Variants in KIF2A observed in about 807,000 individuals in gnomAD.
KIF2A encodes the protein kinesin-like protein KIF2A.
Under a neutral mutation model 100.2 loss-of-function variants are expected in KIF2A, and 22 were observed. The observed-to-expected ratio is 0.22, with a 90% CI of 0.16 to 0.31. The LOEUF is 0.31. KIF2A is among the 10% of genes least tolerant of loss of function. KIF2A has a pLI of 1.00. For missense variants in KIF2A, 495 were observed against 898.7 expected (o/e 0.55, Z 5.74); for synonymous variants, 268 against 285.9 (o/e 0.94, Z 0.63).
chr5:62,356,572 A>C (rs990228422), intron 7 of KIF2A, among the ~76,000 whole-genome samples: 10 of 152,222 alleles, frequency 6.6e-5, no homozygotes, highest in African/African-American at 1.9e-4. Context: ...ATTGGGAACA[A>C]AATTTTTATA....
At chr5:62,359,304 G>C (rs186035953) in intron 9 of KIF2A, among the ~76,000 whole-genome samples, 113 of 151,990 alleles carry the variant, frequency 7.4e-4, no homozygotes, top group African/African-American at 2.7e-3. Context: ...CTTTGTAATT[G>C]CTTGAATACT....
At chr5:62,350,719 CT>C (rs1225119482) in intron 4 of KIF2A, among the ~76,000 whole-genome samples, 4 of 151,812 alleles carry the variant, frequency 2.6e-5, no homozygotes, top group East Asian at 2.0e-4. Flanking sequence ...CAAGACCCCC[CT>C]GGTCAACATG....
intron 1 of KIF2A, among the ~76,000 whole-genome samples, chr5:62,342,937 A>G (rs1381930916): frequency 6.6e-6 from 1 of 151,746 alleles, no homozygotes; most frequent in Non-Finnish European, 1.5e-5. Context: ...TTTTTAGTAG[A>G]GACTGTGTTT....
At chr5:62,366,286 A>G in intron 15 of KIF2A, 128 bp from the exon 16 acceptor site, 2 of 656,686 alleles carry the variant, frequency 3.0e-6, no homozygotes, top group South Asian at 1.7e-5. Flanking sequence ...TGGAGTTGAG[A>G]TATCATTAAT....
Position 62,357,710 on chromosome 5 carries a change from G to T in KIF2A, c.674G>T (p.Cys225Phe). 6.5e-7 allele frequency: 1 copy of T among 1,533,172 alleles called. No homozygotes were observed. Among genetic ancestry groups the T allele is most frequent in the Non-Finnish European group, 9.0e-7 (1 of 1,112,240 alleles). The allele number at this position is 1,533,172 out of a possible 1,614,324, so 95.0% of individuals were successfully genotyped here. The change falls in exon 8 of 21, where the codon TGT becomes TTT. Residue 225 changes from cysteine (C) to phenylalanine (F), a missense_variant. Coordinates refer to ENST00000407818, the MANE Select transcript of KIF2A (RefSeq NM_001098511.3). ...TADPIDEHRI[C>F]VCVRKRPLNK... ...TTCTAGATTGATGAACATAGGATAT[G>T]TGTGTGTGTAAGAAAACGACCACTC...
At chr5:62,335,452 C>T (rs955679565) in intron 1 of KIF2A, among the ~76,000 whole-genome samples, 10 of 152,136 alleles carry the variant, frequency 6.6e-5, no homozygotes, top group East Asian at 1.9e-4. Context: ...GTAGCATGAA[C>T]GAAGGAGCCC....
chr5:62,384,395 C>T (rs1741922448), intron 20 of KIF2A, among the ~76,000 whole-genome samples: 1 of 152,238 alleles, frequency 6.6e-6, no homozygotes, highest in African/African-American at 2.4e-5. Flanking sequence ...ATTCTGAAGT[C>T]TACAGAGTAG....
At chr5:62,365,157 T>C in intron 14 of KIF2A, 86 bp from the exon 15 acceptor site, 1 of 610,728 alleles carries the variant, frequency 1.6e-6, no homozygotes, top group Non-Finnish European at 2.8e-6. Context: ...GTTCAAGTTG[T>C]AGTAAGAGAC....
chr5:62,306,642 G>C (rs1018835430), intron 1 of KIF2A, 106 bp downstream of exon 1: 1 of 918,874 alleles, frequency 1.1e-6, no homozygotes, highest in African/African-American at 1.8e-5. Context: ...CCGGGCTGTG[G>C]GGGTGGGAAG....
intron 1 of KIF2A, among the ~76,000 whole-genome samples, chr5:62,339,937 C>CT (rs36051288): frequency 0.26 from 34,283 of 130,540 alleles, 4,637 homozygotes; most frequent in African/African-American, 0.32. Context: ...ACTTTTAGTA[C>CT]TTTTTTTTTT....
intron 1 of KIF2A, among the ~76,000 whole-genome samples, chr5:62,324,840 AAAAG>A (rs1414244359): frequency 1.9e-5 from 2 of 108,082 alleles, no homozygotes; most frequent in Non-Finnish European, 4.6e-5. Context: ...AATTACAACA[AAAAG>A]AAAAAAAATG....
rs80173112 is a variant in KIF2A, at chr5:62,328,903, A to G, written c.65-18227A>G. On this transcript the variant is annotated intron_variant, in intron 1 of 20. Transcript: ENST00000407818. ...AAAAGCTGCACAACGGGCCCTTCTAAATAATAATGCTACCTTAATTGTTAG... is the reference window on the plus strand; with the variant it reads ...AAAAGCTGCACAACGGGCCCTTCTAGATAATAATGCTACCTTAATTGTTAG... 4.8e-3 allele frequency among the ~76,000 whole-genome samples: 737 copies of G among 152,284 alleles called. 8 individuals are homozygous for G. The highest frequency in any genetic ancestry group is 0.017 in the African/African-American group (691 of 41,560).
chr5:62,323,292 T>C (rs991718977), intron 1 of KIF2A, among the ~76,000 whole-genome samples: 1 of 145,004 alleles, frequency 6.9e-6, no homozygotes, highest in African/African-American at 2.6e-5. Context: ...GAAAAATAAA[T>C]GTATTAGAAA....
At chr5:62,369,757 G>A (rs1032912044) in intron 16 of KIF2A, among the ~76,000 whole-genome samples, 2 of 151,848 alleles carry the variant, frequency 1.3e-5, no homozygotes, top group South Asian at 2.1e-4. Flanking sequence ...ATACTTTGAG[G>A]TGGTGGGTAG....
intron 3 of KIF2A, among the ~76,000 whole-genome samples, chr5:62,349,758 TCA>T (rs915700519): frequency 1.3e-5 from 2 of 152,186 alleles, no homozygotes; most frequent in Non-Finnish European, 2.9e-5. Context: ...TCTCTTTGTT[TCA>T]GTTTCCTCAT....
chr5:62,352,505 T>TG (rs71305053), intron 4 of KIF2A, 83 bp from the exon 5 acceptor site: 63,433 of 977,958 alleles, frequency 0.065, 2,499 homozygotes, highest in East Asian at 0.12. Context: ...TATCAGGTTT[T>TG]GGGGGCTATC....
At chr5:62,372,342 T>C (rs1402410537) in intron 16 of KIF2A, 96 bp from the exon 17 acceptor site, 2 of 690,014 alleles carry the variant, frequency 2.9e-6, no homozygotes, top group Non-Finnish European at 5.1e-6. Flanking sequence ...AATATCCTTT[T>C]CTAAACAAAA....
rs193050347 is a variant in KIF2A, at chr5:62,364,954, G to A, written c.1468-289G>A. Reference sequence around the variant, plus strand: ...TACTAAAAATAAAAAACAGCCAGTCGTGGTAGCAGGCGCCTGTTATCCCAG... The same window carrying A: ...TACTAAAAATAAAAAACAGCCAGTCATGGTAGCAGGCGCCTGTTATCCCAG... On this transcript the variant is annotated intron_variant, in intron 14 of 20. Coordinates refer to ENST00000407818, the MANE Select transcript of KIF2A (RefSeq NM_001098511.3). Among the ~76,000 whole-genome samples the A allele has an allele frequency of 1.0e-3, 158 of 152,222 alleles. 1 individual carries two copies. The highest frequency in any genetic ancestry group is 2.9e-3 in the African/African-American group (121 of 41,556).
intron 1 of KIF2A, among the ~76,000 whole-genome samples, chr5:62,316,778 C>T (rs1236025038): frequency 1.3e-5 from 2 of 152,060 alleles, no homozygotes; most frequent in East Asian, 3.9e-4. Context: ...CTGTACCTTC[C>T]ACTCAATTTT....
Sources: gnomAD v4.1 joint callset for allele counts (sites outside exome capture counted in the v4.1 genomes callset) on GRCh38, gnomAD v4.1.1 for gene constraint, MANE v1.5 for transcripts, NCBI Gene and HGNC (gene_info 2026-07-23, HGNC 2026-07-21) for gene names.